ERC2: variants seen among roughly 807,000 people sequenced by gnomAD.
The protein encoded by ERC2 is ELKS/RAB6-interacting/CAST family member 2, also known as ERC protein 2.
Under a neutral mutation model 114.8 loss-of-function variants are expected in ERC2, and 42 were observed. That is an observed-to-expected ratio of 0.37 (90% CI 0.29 to 0.47). The LOEUF is 0.47. Ranked by LOEUF, ERC2 falls within the 20% of genes least tolerant of loss-of-function variation. ERC2 has a pLI of 0.99. For synonymous variants in ERC2, 454 were observed against 425.5 expected (o/e 1.07, Z -0.82); for missense variants, 939 against 1,150.7 (o/e 0.82, Z 2.66).
At chr3:56,262,352 C>G (rs1421171369) in intron 3 of ERC2, among the ~76,000 whole-genome samples, 1 of 152,182 alleles carries the variant, frequency 6.6e-6, no homozygotes, top group Non-Finnish European at 1.5e-5. Context: ...CACTGAATAT[C>G]AGTCAGAGTC....
At chr3:55,937,585 G>C (rs940165775) in intron 13 of ERC2, among the ~76,000 whole-genome samples, 5 of 152,158 alleles carry the variant, frequency 3.3e-5, no homozygotes, top group Non-Finnish European at 7.4e-5. Flanking sequence ...AGCACCTCCA[G>C]GGGGGTCACT....
intron 17 of ERC2, among the ~76,000 whole-genome samples, chr3:55,609,136 C>T (rs2058771070): frequency 6.6e-6 from 1 of 151,908 alleles, no homozygotes; most frequent in Non-Finnish European, 1.5e-5. Context: ...AACGCTAGGG[C>T]AAGACCTAAG....
intron 12 of ERC2, among the ~76,000 whole-genome samples, chr3:55,973,530 T>C (rs1398704258): frequency 1.3e-5 from 2 of 152,216 alleles, no homozygotes; most frequent in Non-Finnish European, 2.9e-5. Context: ...CAAGGGAATA[T>C]CCATGTGTGC....
intron 3 of ERC2, among the ~76,000 whole-genome samples, chr3:56,225,317 C>T (rs1194800599): frequency 2.6e-5 from 4 of 152,122 alleles, no homozygotes; most frequent in African/African-American, 9.7e-5. Flanking sequence ...CATGATAATC[C>T]ACAATTGGAC....
chr3:55,749,383 G>A (rs1366908378), intron 14 of ERC2, among the ~76,000 whole-genome samples: 1 of 152,222 alleles, frequency 6.6e-6, no homozygotes, highest in Non-Finnish European at 1.5e-5. Context: ...TGGGACATAA[G>A]GCAGGGGTCA....
chr3:55,682,844 A>G (rs1412366812), intron 17 of ERC2, among the ~76,000 whole-genome samples: 2 of 152,230 alleles, frequency 1.3e-5, no homozygotes, highest in South Asian at 2.1e-4. Context: ...GTTTAATACC[A>G]TATTCCATGT....
chr3:55,662,810 G>A lies in ERC2; in HGVS notation c.*39+20984C>T, dbSNP rs1177058627. ...GTTATTTGATGTTTCAGAAATTAAG[G>A]CCGGCCAAACAGCTAAAATGACTAA... On this transcript the variant is annotated intron_variant, in intron 17 of 17. Transcript: ENST00000288221. 2.6e-5 allele frequency among the ~76,000 whole-genome samples: 4 copies of A among 152,110 alleles called. No individual in the cohort carries two copies. The South Asian group carries it at 8.3e-4, about 32-fold the overall frequency.
At chr3:56,212,444 T>C (rs554651515) in intron 3 of ERC2, among the ~76,000 whole-genome samples, 70 of 152,014 alleles carry the variant, frequency 4.6e-4, no homozygotes, top group African/African-American at 1.7e-3. Flanking sequence ...AATCAAAAAA[T>C]CAAAAAATAA....
At chr3:55,988,776 C>G (rs6783462) in intron 11 of ERC2, among the ~76,000 whole-genome samples, 48,123 of 152,144 alleles carry the variant, frequency 0.32, 8,544 homozygotes, top group Middle Eastern at 0.4. Context: ...AAACATTTCT[C>G]CATGGCTCCA....
intron 6 of ERC2, among the ~76,000 whole-genome samples, chr3:56,099,680 T>C (rs1054291624): frequency 5.9e-5 from 9 of 152,162 alleles, no homozygotes; most frequent in African/African-American, 1.9e-4. Flanking sequence ...GTGTCCACCA[T>C]AGTTGGTGAG....
At chr3:56,166,356 T>G (rs185825128) in intron 4 of ERC2, among the ~76,000 whole-genome samples, 80 of 152,156 alleles carry the variant, frequency 5.3e-4, no homozygotes, top group African/African-American at 1.8e-3. Context: ...TTGCTGGGTA[T>G]GAATATCAAA....
intron 7 of ERC2, among the ~76,000 whole-genome samples, chr3:56,030,738 G>A (rs1560052211): frequency 6.6e-6 from 1 of 152,196 alleles, no homozygotes; most frequent in East Asian, 1.9e-4. Flanking sequence ...TTGAACAACT[G>A]TCTATGCATG....
intron 1 of ERC2, among the ~76,000 whole-genome samples, chr3:56,465,616 GA>G (rs1559539416): frequency 6.6e-6 from 1 of 152,158 alleles, no homozygotes; most frequent in African/African-American, 2.4e-5. Context: ...AAGGTGTCAA[GA>G]AAAATGGAAG....
intron 6 of ERC2, among the ~76,000 whole-genome samples, chr3:56,111,563 C>T (rs1330266519): frequency 3.9e-5 from 6 of 152,128 alleles, no homozygotes; most frequent in South Asian, 4.1e-4. Context: ...TGGCACTTTA[C>T]GGAGCAGACC....
chr3:56,261,138 G>T (rs764416983), intron 3 of ERC2, among the ~76,000 whole-genome samples: 1 of 152,094 alleles, frequency 6.6e-6, no homozygotes, highest in African/African-American at 2.4e-5. Context: ...GTCTTTAGCG[G>T]GTTCCCAGTC....
chr3:56,351,790 G>A (rs990587096), intron 2 of ERC2, among the ~76,000 whole-genome samples: 1 of 152,156 alleles, frequency 6.6e-6, no homozygotes, highest in Non-Finnish European at 1.5e-5. Flanking sequence ...AACATTTACT[G>A]AGACCCTACT....
intron 16 of ERC2, among the ~76,000 whole-genome samples, chr3:55,687,427 C>CT (rs1473956281): frequency 2.0e-5 from 3 of 151,552 alleles, no homozygotes; most frequent in East Asian, 3.9e-4. Context: ...TGATAGCTGG[C>CT]TTTTTTTCTT....
At chr3:56,340,626 C>A (rs1335665133) in intron 2 of ERC2, among the ~76,000 whole-genome samples, 1 of 150,082 alleles carries the variant, frequency 6.7e-6, no homozygotes, top group African/African-American at 2.4e-5. Flanking sequence ...TTATTAGCAG[C>A]CTTGGGGCAA....
chr3:55,597,089 A>C (rs2058173320), intron 17 of ERC2, among the ~76,000 whole-genome samples: 1 of 152,236 alleles, frequency 6.6e-6, no homozygotes, highest in Non-Finnish European at 1.5e-5. Flanking sequence ...TACAAGAAGC[A>C]TTATTATGTA....
Sources: allele counts gnomAD v4.1 joint callset (sites outside exome capture counted in the v4.1 genomes callset), GRCh38; gene constraint gnomAD v4.1.1; transcripts MANE v1.5; gene names NCBI Gene and HGNC (gene_info 2026-07-23, HGNC 2026-07-21).